The following DNER variants were observed in gnomAD, a reference collection of about 807,000 sequenced individuals.
DNER encodes the protein delta/notch like EGF repeat containing.
A neutral mutation model predicts 78.2 loss-of-function variants in DNER; 33 were observed. That is an observed-to-expected ratio of 0.42 (90% confidence interval 0.32 to 0.56). The LOEUF (loss-of-function observed/expected upper bound fraction) is 0.56. DNER is among the 20% of genes least tolerant of loss of function. The pLI is 0.11. For synonymous variants in DNER, 417 were observed against 384.8 expected (o/e 1.08, Z -0.98); for missense variants, 918 against 975.3 (o/e 0.94, Z 0.78).
chr2:229,606,926 A>G (rs1249827227), intron 1 of DNER, among the ~76,000 whole-genome samples: 2 of 152,102 alleles, frequency 1.3e-5, no homozygotes, highest in African/African-American at 4.8e-5. Context: ...CAACAACAAC[A>G]AAAACGTGTT....
intron 1 of DNER, among the ~76,000 whole-genome samples, chr2:229,689,013 G>A (rs59968882): frequency 0.36 from 55,397 of 151,918 alleles, 10,646 homozygotes; most frequent in East Asian, 0.71. Context: ...GGGAGGGAGA[G>A]CCTCAGGAAA....
intron 1 of DNER, among the ~76,000 whole-genome samples, chr2:229,634,270 C>CCTTCCTTCTTTCCTTCCTTCCTTCT (rs1698491346): frequency 6.6e-6 from 1 of 151,896 alleles, no homozygotes; most frequent in Non-Finnish European, 1.5e-5. Flanking sequence ...TCCTTCCTTC[C>CCTTCCTTCTTTCCTTCCTTCCTTCT]TTCCTTCCTT....
intron 1 of DNER, among the ~76,000 whole-genome samples, chr2:229,614,723 T>C (rs904237607): frequency 2.0e-5 from 3 of 152,246 alleles, no homozygotes; most frequent in African/African-American, 7.2e-5. Flanking sequence ...CTCTGCAGAC[T>C]GGACAGTGAC....
At chr2:229,547,453 G>A (rs911301629) in intron 4 of DNER, among the ~76,000 whole-genome samples, 1 of 152,164 alleles carries the variant, frequency 6.6e-6, no homozygotes, top group Non-Finnish European at 1.5e-5. Flanking sequence ...TTAGAATTCA[G>A]TTTCTGCTTT....
At chr2:229,540,737 G>A (rs763417965) in intron 5 of DNER, among the ~76,000 whole-genome samples, 11 of 152,180 alleles carry the variant, frequency 7.2e-5, no homozygotes, top group Non-Finnish European at 1.3e-4. Context: ...TCAGGGGCCA[G>A]AAATGCAAGA....
At chr2:229,552,190 A>G (rs1302513820) in intron 4 of DNER, among the ~76,000 whole-genome samples, 2 of 152,236 alleles carry the variant, frequency 1.3e-5, no homozygotes, top group African/African-American at 2.4e-5. Context: ...CAGGCAGTGC[A>G]TGCTTGAGGG....
intron 6 of DNER, among the ~76,000 whole-genome samples, chr2:229,482,702 C>T (rs951621042): frequency 6.6e-6 from 1 of 152,294 alleles, no homozygotes; most frequent in Non-Finnish European, 1.5e-5. Flanking sequence ...TAAAATTGTC[C>T]TGAGATGGAG....
chr2:229,398,570 A>G (rs1042254193), intron 10 of DNER, among the ~76,000 whole-genome samples: 1 of 152,110 alleles, frequency 6.6e-6, no homozygotes, highest in African/African-American at 2.4e-5. Flanking sequence ...AAACAAAACT[A>G]TTTTGTGTCT....
At chr2:229,565,656 T>C (rs1697091799) in intron 4 of DNER, among the ~76,000 whole-genome samples, 1 of 152,232 alleles carries the variant, frequency 6.6e-6, no homozygotes. Flanking sequence ...CCAATGTGCC[T>C]ATTTCTCACA....
At chr2:229,627,867 A>G (rs1283136609) in intron 1 of DNER, among the ~76,000 whole-genome samples, 3 of 152,222 alleles carry the variant, frequency 2.0e-5, no homozygotes, top group Admixed American at 6.5e-5. Context: ...CCCCAGGGGC[A>G]CTGCAGTGGT....
intron 5 of DNER, among the ~76,000 whole-genome samples, chr2:229,532,379 G>GTGA (rs1203374522): frequency 6.6e-6 from 1 of 152,080 alleles, no homozygotes; most frequent in Admixed American, 6.6e-5. Flanking sequence ...CTATTTCAAT[G>GTGA]TGATGTATCC....
intron 9 of DNER, among the ~76,000 whole-genome samples, chr2:229,413,684 T>A (rs1693580098): frequency 6.6e-6 from 1 of 151,504 alleles, no homozygotes; most frequent in Non-Finnish European, 1.5e-5. Flanking sequence ...CACTCATTCT[T>A]TTTAGGAGGA....
intron 8 of DNER, among the ~76,000 whole-genome samples, chr2:229,440,016 C>A (rs1380275933): frequency 6.6e-6 from 1 of 152,166 alleles, no homozygotes; most frequent in African/African-American, 2.4e-5. Flanking sequence ...AAATCCCTTA[C>A]AATTAAAGAC....
chr2:229,428,751 G>A (rs1693939304), intron 8 of DNER, among the ~76,000 whole-genome samples: 1 of 152,062 alleles, frequency 6.6e-6, no homozygotes, highest in Admixed American at 6.5e-5. Flanking sequence ...TAGTTGCTGA[G>A]GGGTTCAATT....
rs140380247 is a variant in DNER at position 229,695,266 on chromosome 2, C to T, written c.276+18882G>A. Among the ~76,000 whole-genome samples the T allele has an allele frequency of 4.6e-4, 70 of 152,298 alleles. 2 individuals carry two copies. In the East Asian group the frequency reaches 0.013, roughly 29 times the overall value. On this transcript the variant is annotated intron_variant, in intron 1 of 12. Transcript: ENST00000341772. Reference sequence around the variant, plus strand: ...AGCAGCATGAGAATGGACTAATACACAGTCTCATCATCTATCAAGTAGGGG... The same window carrying T: ...AGCAGCATGAGAATGGACTAATACATAGTCTCATCATCTATCAAGTAGGGG...
chr2:229,638,155 G>C (rs532082874), intron 1 of DNER, among the ~76,000 whole-genome samples: 1 of 152,128 alleles, frequency 6.6e-6, no homozygotes, highest in Non-Finnish European at 1.5e-5. Flanking sequence ...TAGATTTCAC[G>C]CAATCCTAGT....
chr2:229,457,662 A>C lies in DNER; in HGVS notation c.1262-10122T>G, dbSNP rs11890274. Among the ~76,000 whole-genome samples, 690 of 152,004 alleles carry C rather than the reference A, an allele frequency of 4.5e-3. 14 individuals are homozygous for C. The highest frequency in any genetic ancestry group is 0.015 in the African/African-American group (635 of 41,336). ...GAATAAAACAAAGAACATATGAGAAAAATAGAAAATAAATAGCAATGAGGT... is the reference window on the plus strand; with the variant it reads ...GAATAAAACAAAGAACATATGAGAACAATAGAAAATAAATAGCAATGAGGT... On this transcript the variant is annotated intron_variant, in intron 7 of 12. Coordinates refer to ENST00000341772, the MANE Select transcript of DNER (RefSeq NM_139072.4).
intron 1 of DNER, among the ~76,000 whole-genome samples, chr2:229,655,961 GA>G (rs1369518991): frequency 5.3e-5 from 8 of 152,124 alleles, no homozygotes; most frequent in African/African-American, 1.9e-4. Context: ...GAAACCACTA[GA>G]AACTGGAAAC....
At chr2:229,691,937 C>T (rs1031953297) in intron 1 of DNER, among the ~76,000 whole-genome samples, 1 of 151,984 alleles carries the variant, frequency 6.6e-6, no homozygotes, top group African/African-American at 2.4e-5. Flanking sequence ...CTCTCTGTTT[C>T]CCTAGGGTTG....
Sources: gnomAD v4.1 joint callset for allele counts (sites outside exome capture counted in the v4.1 genomes callset) on GRCh38, gnomAD v4.1.1 for gene constraint, MANE v1.5 for transcripts, NCBI Gene and HGNC (gene_info 2026-07-23, HGNC 2026-07-21) for gene names.